The following GRIP1 variants were observed in gnomAD, a reference collection of about 807,000 sequenced individuals.
GRIP1 encodes the protein glutamate receptor interacting protein 1.
Under a neutral mutation model 129.9 loss-of-function variants are expected in GRIP1, and 45 were observed. That is an observed-to-expected ratio of 0.35 (90% CI 0.27 to 0.44). GRIP1 has a LOEUF of 0.44. GRIP1 is among the 20% of genes least tolerant of loss of function. The probability of loss-of-function intolerance (pLI) is 1.00; values close to 1 mark genes in which losing one functional copy is unlikely to be tolerated. For missense variants in GRIP1, 1,196 were observed against 1,396.8 expected, an observed-to-expected ratio of 0.86 and a Z score of 2.29; for synonymous variants, 530 against 520.8, an observed-to-expected ratio of 1.02 and a Z score of -0.24.
chr12:66,472,106 G>A (rs925481887), intron 7 of GRIP1, among the ~76,000 whole-genome samples: 33 of 152,238 alleles, frequency 2.2e-4, no homozygotes, highest in African/African-American at 8.0e-4. Context: ...CAGCATTAAT[G>A]TACTATCAGG....
intron 7 of GRIP1, among the ~76,000 whole-genome samples, chr12:66,482,775 G>A (rs541109717): frequency 1.4e-3 from 219 of 152,284 alleles, no homozygotes; most frequent in Non-Finnish European, 2.5e-3. Flanking sequence ...AAATTGGAGT[G>A]TGTCAAAATG....
chr12:66,449,772 AGAT>A (rs2058726694), intron 11 of GRIP1, among the ~76,000 whole-genome samples: 1 of 152,236 alleles, frequency 6.6e-6, no homozygotes, highest in Admixed American at 6.5e-5. Flanking sequence ...TACTCACAGA[AGAT>A]GAGAGTATCA....
intron 1 of GRIP1, among the ~76,000 whole-genome samples, chr12:66,734,428 G>A (rs75218044): frequency 0.032 from 4,876 of 152,228 alleles, 85 homozygotes; most frequent in Middle Eastern, 0.065. Flanking sequence ...TGAACTGTCA[G>A]GGGCGATCAC....
chr12:66,559,420 T>A (rs1211458513), intron 2 of GRIP1, among the ~76,000 whole-genome samples: 1 of 152,156 alleles, frequency 6.6e-6, no homozygotes, highest in Non-Finnish European at 1.5e-5. Flanking sequence ...GACATGATCT[T>A]ATATTTGGAA....
At chr12:67,003,528 C>A (rs893944209) in intron 1 of GRIP1, among the ~76,000 whole-genome samples, 2 of 151,854 alleles carry the variant, frequency 1.3e-5, no homozygotes, top group African/African-American at 4.8e-5. Context: ...CCCATCTCTA[C>A]TAAAAATACA....
At chr12:66,780,711 A>T (rs557047698) in intron 1 of GRIP1, among the ~76,000 whole-genome samples, 1 of 152,234 alleles carries the variant, frequency 6.6e-6, no homozygotes, top group African/African-American at 2.4e-5. Context: ...TTGGGACTTG[A>T]TCAACAGAGG....
chr12:67,001,680 G>A (rs1311715443), intron 1 of GRIP1, among the ~76,000 whole-genome samples: 9 of 152,088 alleles, frequency 5.9e-5, no homozygotes, highest in Admixed American at 5.2e-4. Context: ...AACAGCAGCT[G>A]TCACAGGATG....
intron 1 of GRIP1, among the ~76,000 whole-genome samples, chr12:67,017,134 T>C (rs74553805): frequency 0.015 from 2,308 of 152,272 alleles, 27 homozygotes; most frequent in Non-Finnish European, 0.023. Context: ...TTGACAGTTA[T>C]TTGCACTCAA....
chr12:66,736,270 C>G (rs2036593401), intron 1 of GRIP1, among the ~76,000 whole-genome samples: 3 of 150,824 alleles, frequency 2.0e-5, no homozygotes, highest in African/African-American at 7.3e-5. Flanking sequence ...ACCTCCAACT[C>G]CTGGGCTCCA....
rs147991274 is a variant in GRIP1, at chr12:66,614,574, C to T, written c.56-17647G>A. Reference sequence around the variant, plus strand: ...CACCTCTTGCCTGCACCATTCGAGACAACCCCTGAAACTTATCTATCTACT... The same window carrying T: ...CACCTCTTGCCTGCACCATTCGAGATAACCCCTGAAACTTATCTATCTACT... On this transcript the variant is annotated intron_variant, in intron 1 of 24. Coordinates refer to ENST00000359742, the MANE Select transcript of GRIP1 (RefSeq NM_001366722.1). Among the ~76,000 whole-genome samples, 271 of 152,234 alleles carry T rather than the reference C, an allele frequency of 1.8e-3. 3 individuals carry two copies. Among genetic ancestry groups the T allele is most frequent in the South Asian group, 1.0e-3 (5 of 4,812 alleles).
intron 15 of GRIP1, among the ~76,000 whole-genome samples, chr12:66,416,636 G>A (rs2057615433): frequency 6.6e-6 from 1 of 152,146 alleles, no homozygotes; most frequent in Non-Finnish European, 1.5e-5. Flanking sequence ...GCAACTATAT[G>A]CCAATAAATT....
intron 1 of GRIP1, among the ~76,000 whole-genome samples, chr12:66,962,706 A>C (rs923222328): frequency 6.6e-6 from 1 of 152,226 alleles, no homozygotes; most frequent in Non-Finnish European, 1.5e-5. Flanking sequence ...TCAAAACAAA[A>C]AAGAAAAGAG....
intron 1 of GRIP1, among the ~76,000 whole-genome samples, chr12:66,698,034 G>A (rs1023834918): frequency 6.6e-6 from 1 of 152,114 alleles, no homozygotes; most frequent in Non-Finnish European, 1.5e-5. Context: ...TACGGTTACA[G>A]TATTTGTGAT....
At chr12:67,066,888 T>TTATATA (rs1555170033) in intron 1 of GRIP1, among the ~76,000 whole-genome samples, 23,049 of 125,310 alleles carry the variant, frequency 0.18, 2,488 homozygotes, top group Non-Finnish European at 0.24. Flanking sequence ...AAATATATAT[T>TTATATA]TATATATATA....
chr12:66,633,038 G>A (rs1234284334), intron 1 of GRIP1, among the ~76,000 whole-genome samples: 1 of 151,292 alleles, frequency 6.6e-6, no homozygotes, highest in Admixed American at 6.6e-5. Context: ...TTTTGAGCAG[G>A]GTCTCTCACT....
intron 1 of GRIP1, among the ~76,000 whole-genome samples, chr12:66,856,465 T>C (rs1358918250): frequency 1.3e-5 from 2 of 151,944 alleles, no homozygotes; most frequent in Non-Finnish European, 2.9e-5. Context: ...ATTTTTGCAA[T>C]CTACTCATCT....
chr12:66,613,442 T>C (rs2064898735), intron 1 of GRIP1, among the ~76,000 whole-genome samples: 2 of 152,182 alleles, frequency 1.3e-5, no homozygotes, highest in South Asian at 4.1e-4. Flanking sequence ...GGTTCCTGTA[T>C]GTTACAGTTC....
intron 1 of GRIP1, among the ~76,000 whole-genome samples, chr12:66,663,598 T>C (rs1195502441): frequency 1.3e-5 from 2 of 151,158 alleles, no homozygotes; most frequent in South Asian, 2.1e-4. Flanking sequence ...GGTGAAGGAG[T>C]CCAATTCAAC....
chr12:66,359,924 C>A (rs1421735221), intron 23 of GRIP1, among the ~76,000 whole-genome samples: 1 of 152,108 alleles, frequency 6.6e-6, no homozygotes, highest in East Asian at 1.9e-4. Flanking sequence ...AAAAATAATT[C>A]TAAGGATTCT....
Sources: gnomAD v4.1 joint callset for allele counts (sites outside exome capture counted in the v4.1 genomes callset) on GRCh38, gnomAD v4.1.1 for gene constraint, MANE v1.5 for transcripts, NCBI Gene and HGNC (gene_info 2026-07-23, HGNC 2026-07-21) for gene names.